SGCD: variants seen among roughly 807,000 people sequenced by gnomAD.
SGCD encodes the protein sarcoglycan delta, also known as delta-sarcoglycan.
SGCD carries 18 observed loss-of-function variants against 36.6 expected under a neutral mutation model. That is an observed-to-expected ratio of 0.49 (90% CI 0.34 to 0.73). The LOEUF is 0.73. SGCD is among the 30% of genes least tolerant of loss of function. The pLI is 0.01. For missense variants in SGCD, 387 were observed against 346.7 expected (o/e 1.12, Z -0.92); for synonymous variants, 133 against 130.6 (o/e 1.02, Z -0.12).
intron 7 of SGCD, among the ~76,000 whole-genome samples, chr5:156,719,599 T>A (rs1281692032): frequency 7.9e-5 from 12 of 152,090 alleles, no homozygotes; most frequent in Non-Finnish European, 1.6e-4. Context: ...TACTGCAGAG[T>A]ACATACCTAA....
At chr5:156,655,014 A>G (rs1337718973) in intron 7 of SGCD, among the ~76,000 whole-genome samples, 1 of 152,204 alleles carries the variant, frequency 6.6e-6, no homozygotes, top group East Asian at 1.9e-4. Context: ...AGGTGAATTT[A>G]TAGATCTTTA....
chr5:156,027,588 A>C (rs1285261551), intron 1 of SGCD, among the ~76,000 whole-genome samples: 1 of 152,176 alleles, frequency 6.6e-6, no homozygotes, highest in South Asian at 2.1e-4. Context: ...CATCTTTTAA[A>C]ATGCTATACA....
intron 6 of SGCD, among the ~76,000 whole-genome samples, chr5:156,607,378 G>A (rs1474366022): frequency 6.6e-6 from 1 of 152,196 alleles, no homozygotes; most frequent in South Asian, 2.1e-4. Context: ...AACCAGCCTT[G>A]CATCCCAGGG....
At chr5:156,639,148 G>A (rs1338703314) in intron 6 of SGCD, among the ~76,000 whole-genome samples, 1 of 151,598 alleles carries the variant, frequency 6.6e-6, no homozygotes, top group Non-Finnish European at 1.5e-5. Context: ...ATACATATGT[G>A]TATATGTGTA....
At chr5:156,132,808 T>G (rs1231802945) in intron 3 of SGCD, among the ~76,000 whole-genome samples, 1 of 152,142 alleles carries the variant, frequency 6.6e-6, no homozygotes, top group Admixed American at 6.5e-5. Context: ...ACAACTTTCT[T>G]TAGCCCTCAC....
At chr5:156,191,317 T>G (rs1268096386) in intron 3 of SGCD, among the ~76,000 whole-genome samples, 1 of 152,154 alleles carries the variant, frequency 6.6e-6, no homozygotes, top group Admixed American at 6.6e-5. Context: ...TAGATTTTTA[T>G]TAGTTAACTT....
chr5:155,902,787 A>C (rs1041258733), intron 1 of SGCD, among the ~76,000 whole-genome samples: 88 of 152,334 alleles, frequency 5.8e-4, no homozygotes, highest in African/African-American at 2.0e-3. Context: ...TTTTCTAAAA[A>C]TTAAGGATAT....
intron 7 of SGCD, among the ~76,000 whole-genome samples, chr5:156,731,039 T>C (rs999622090): frequency 6.6e-6 from 1 of 152,236 alleles, no homozygotes; most frequent in African/African-American, 2.4e-5. Flanking sequence ...GCCACATGTA[T>C]GTCTTCTTTT....
At chr5:156,530,213 T>C (rs1011727212) in intron 4 of SGCD, among the ~76,000 whole-genome samples, 3 of 152,224 alleles carry the variant, frequency 2.0e-5, no homozygotes, top group Admixed American at 6.5e-5. Flanking sequence ...GTTACAATAA[T>C]TGAAGTTTTC....
chr5:156,307,555 G>GT lies in SGCD; in HGVS notation c.-43-21955dup, dbSNP rs59481792. Among the ~76,000 whole-genome samples, 224 of 41,154 alleles carry GT rather than the reference G, an allele frequency of 5.4e-3. 3 individuals are homozygous for GT. Among genetic ancestry groups the GT allele is most frequent in the Non-Finnish European group, 8.7e-3 (179 of 20,578 alleles). The allele number at this position is 41,154 out of a possible 152,430, so 27.0% of individuals were successfully genotyped here. ...CTTGTCTGTATACATTTTAACTGTT[G>GT]TTTTTTTTTTTTTTTTTTTTTTTTG... is the stretch of plus-strand genomic sequence containing the variant. On this transcript the variant is annotated intron_variant, in intron 3 of 9. Transcript: ENST00000517913.
chr5:155,740,726 A>G, the SGCD span, among the ~76,000 whole-genome samples: 1 of 152,218 alleles, frequency 6.6e-6, no homozygotes, highest in Non-Finnish European at 1.5e-5. Context: ...TGAAACCTGA[A>G]GTAAAAAATA....
At chr5:156,525,903 A>G (rs1481340720) in intron 4 of SGCD, among the ~76,000 whole-genome samples, 1 of 152,036 alleles carries the variant, frequency 6.6e-6, no homozygotes, top group East Asian at 1.9e-4. Context: ...CTGTGGGTTT[A>G]TTGCTCAGCT....
the SGCD span, among the ~76,000 whole-genome samples, chr5:155,809,259 G>C: frequency 0.039 from 5,883 of 152,294 alleles, 235 homozygotes; most frequent in African/African-American, 0.098. Flanking sequence ...TTTGGGAATT[G>C]AGTGGTCACA....
chr5:155,909,612 A>C (rs1439783852), intron 1 of SGCD, among the ~76,000 whole-genome samples: 1 of 152,164 alleles, frequency 6.6e-6, no homozygotes, highest in Non-Finnish European at 1.5e-5. Flanking sequence ...GACTGGGCTG[A>C]ATAAATAATA....
chr5:155,782,405 TGAAAC>T, the SGCD span, among the ~76,000 whole-genome samples: 1 of 152,008 alleles, frequency 6.6e-6, no homozygotes, highest in South Asian at 2.1e-4. Context: ...ACAAAAAATT[TGAAAC>T]AAAACAAAAC....
chr5:156,146,662 T>C (rs1383953836), intron 3 of SGCD, among the ~76,000 whole-genome samples: 4 of 152,224 alleles, frequency 2.6e-5, no homozygotes, highest in African/African-American at 7.2e-5. Flanking sequence ...TAAATTCTTA[T>C]ATTTTACAGA....
chr5:156,464,088 A>G (rs1279915119), intron 3 of SGCD, among the ~76,000 whole-genome samples: 1 of 152,184 alleles, frequency 6.6e-6, no homozygotes, highest in East Asian at 1.9e-4. Context: ...ACTCACAACA[A>G]TCCTATGAAA....
intron 4 of SGCD, among the ~76,000 whole-genome samples, chr5:156,548,647 AG>A (rs1476090036): frequency 6.6e-6 from 1 of 152,098 alleles, no homozygotes; most frequent in African/African-American, 2.4e-5. Context: ...CAAATTCAGA[AG>A]ATAGGACTTT....
chr5:156,724,030 G>T (rs1050330866), intron 7 of SGCD, among the ~76,000 whole-genome samples: 1 of 152,170 alleles, frequency 6.6e-6, no homozygotes, highest in South Asian at 2.1e-4. Flanking sequence ...TTGGATCAAG[G>T]TGATGACAGT....
Sources: gnomAD v4.1 joint callset for allele counts (sites outside exome capture counted in the v4.1 genomes callset) on GRCh38, gnomAD v4.1.1 for gene constraint, MANE v1.5 for transcripts, NCBI Gene and HGNC (gene_info 2026-07-23, HGNC 2026-07-21) for gene names.